The following JAK1 variants were observed in gnomAD, a reference collection of about 807,000 sequenced individuals.
JAK1 encodes the protein tyrosine-protein kinase JAK1.
A neutral mutation model predicts 136.6 loss-of-function variants in JAK1; 16 were observed. The ratio of observed to expected loss-of-function variants is 0.12; its 90% CI spans 0.08 to 0.18. JAK1 has a LOEUF of 0.18. Among genes scored for constraint, JAK1 ranks in the 10% least tolerant of loss-of-function variants. The probability of loss-of-function intolerance (pLI) is 1.00; values close to 1 mark genes in which losing one functional copy is unlikely to be tolerated. For synonymous variants in JAK1, 492 were observed against 519.5 expected (o/e 0.95, Z 0.72); for missense variants, 859 against 1,450.1 (o/e 0.59, Z 6.62).
At chr1:65,044,032 A>G (rs540012163) in intron 2 of JAK1, among the ~76,000 whole-genome samples, 1 of 151,544 alleles carries the variant, frequency 6.6e-6, no homozygotes, top group South Asian at 2.1e-4. Context: ...GAATTTTTGT[A>G]TTTTTTAAGA....
chr1:64,881,252 A>AC (rs1456726709), intron 3 of JAK1, among the ~76,000 whole-genome samples: 1 of 151,720 alleles, frequency 6.6e-6, no homozygotes, highest in Admixed American at 6.6e-5. Flanking sequence ...ACAGAGCAAG[A>AC]CCCCATCTCT....
At chr1:64,869,266 AC>A in intron 6 of JAK1, 44 bp downstream of exon 6, 2 of 1,579,544 alleles carry the variant, frequency 1.3e-6, no homozygotes, top group Non-Finnish European at 1.7e-6. Context: ...ATGTAGAAAC[AC>A]CACCATCCTC....
intron 2 of JAK1, among the ~76,000 whole-genome samples, chr1:65,014,605 T>C (rs1194563676): frequency 6.6e-6 from 1 of 151,938 alleles, no homozygotes; most frequent in Non-Finnish European, 1.5e-5. Flanking sequence ...AACTTCTCAG[T>C]AGCTGCAATG....
At chr1:65,003,233 T>C (rs1205983469) in intron 2 of JAK1, among the ~76,000 whole-genome samples, 1 of 151,896 alleles carries the variant, frequency 6.6e-6, no homozygotes, top group Admixed American at 6.6e-5. Context: ...TAAGTTGTAT[T>C]TCTTCGGGTA....
At chr1:65,035,610 T>A (rs1330397543) in intron 2 of JAK1, among the ~76,000 whole-genome samples, 1 of 152,192 alleles carries the variant, frequency 6.6e-6, no homozygotes, top group Non-Finnish European at 1.5e-5. Context: ...AAATAATGTA[T>A]GAGAGTGTTC....
At chr1:64,947,579 A>T (rs998796046) in intron 1 of JAK1, among the ~76,000 whole-genome samples, 6 of 151,942 alleles carry the variant, frequency 3.9e-5, no homozygotes, top group African/African-American at 1.5e-4. Flanking sequence ...TCCATGAACC[A>T]TGGGTCCTCC....
chr1:65,037,303 T>G (rs946702090), intron 2 of JAK1, among the ~76,000 whole-genome samples: 2 of 152,040 alleles, frequency 1.3e-5, no homozygotes, highest in Admixed American at 1.3e-4. Flanking sequence ...TCATATGAAG[T>G]TTTTTTGTTT....
chr1:65,004,421 G>A (rs559318075), intron 2 of JAK1, among the ~76,000 whole-genome samples: 1 of 152,340 alleles, frequency 6.6e-6, no homozygotes, highest in Admixed American at 6.5e-5. Context: ...GGACTCGTGA[G>A]TGACCATCAG....
intron 1 of JAK1, among the ~76,000 whole-genome samples, chr1:64,929,968 T>C (rs995151373): frequency 6.6e-6 from 1 of 152,234 alleles, no homozygotes; most frequent in Admixed American, 6.5e-5. Flanking sequence ...TTGGGAAAAC[T>C]GGCTAGCCAT....
At chr1:65,064,255 G>C (rs995447197) in intron 1 of JAK1, among the ~76,000 whole-genome samples, 11 of 152,164 alleles carry the variant, frequency 7.2e-5, no homozygotes, top group Admixed American at 6.5e-4. Flanking sequence ...ATTTAAAATT[G>C]AGCTCTTCCT....
intron 9 of JAK1, among the ~76,000 whole-genome samples, chr1:64,858,094 G>A (rs1570649390): frequency 6.6e-6 from 1 of 152,310 alleles, no homozygotes; most frequent in African/African-American, 2.4e-5. Flanking sequence ...CTGGAGGCTG[G>A]TGATGAGCAT....
At chr1:65,022,305 T>A (rs1448285031) in intron 2 of JAK1, among the ~76,000 whole-genome samples, 2 of 152,240 alleles carry the variant, frequency 1.3e-5, no homozygotes, top group East Asian at 3.8e-4. Flanking sequence ...TGCCATTTTT[T>A]TATTTTTTTA....
chr1:64,888,345 C>T (rs1158870489), intron 1 of JAK1, among the ~76,000 whole-genome samples: 1 of 152,144 alleles, frequency 6.6e-6, no homozygotes, highest in Non-Finnish European at 1.5e-5. Flanking sequence ...CTACGTCCAG[C>T]TATTTTTTGT....
intron 3 of JAK1, among the ~76,000 whole-genome samples, chr1:64,882,993 G>A (rs1235797785): frequency 6.6e-6 from 1 of 152,150 alleles, no homozygotes; most frequent in Non-Finnish European, 1.5e-5. Flanking sequence ...ACTGAGCCTG[G>A]ATCCACAGAA....
intron 11 of JAK1, among the ~76,000 whole-genome samples, chr1:64,851,285 A>T (rs1655575527): frequency 6.6e-6 from 1 of 152,228 alleles, no homozygotes; most frequent in Non-Finnish European, 1.5e-5. Context: ...GAGACTGTCT[A>T]TCTTATTTTC....
At chr1:64,966,642 C>T (rs1646388536), upstream of JAK1, 5 of 149,462 alleles carry the variant, frequency 3.3e-5, no homozygotes, top group Admixed American at 6.6e-5. Flanking sequence ...AGCGGCAGCC[C>T]CGGAAAGCGG....
At chr1:65,059,707 C>T (rs561213409) in intron 1 of JAK1, among the ~76,000 whole-genome samples, 5 of 152,154 alleles carry the variant, frequency 3.3e-5, no homozygotes, top group Admixed American at 6.5e-5. Context: ...CTTATTAAAA[C>T]CATGATTCAC....
chr1:64,917,475 A>G (rs1645418830), intron 1 of JAK1, among the ~76,000 whole-genome samples: 1 of 152,198 alleles, frequency 6.6e-6, no homozygotes, highest in Non-Finnish European at 1.5e-5. Flanking sequence ...GTCTCAACAC[A>G]AAAGCTGTGG....
At chr1:64,987,108 C>T (rs887518428) in intron 2 of JAK1, among the ~76,000 whole-genome samples, 6 of 152,214 alleles carry the variant, frequency 3.9e-5, no homozygotes, top group African/African-American at 1.4e-4. Flanking sequence ...TCTTACCCTA[C>T]GGTTACCTGC....
Sources: allele counts gnomAD v4.1 joint callset (sites outside exome capture counted in the v4.1 genomes callset), GRCh38; gene constraint gnomAD v4.1.1; transcripts MANE v1.5; gene names NCBI Gene and HGNC (gene_info 2026-07-23, HGNC 2026-07-21).